KIF16B: variants seen among roughly 807,000 people sequenced by gnomAD.
KIF16B encodes kinesin-like protein KIF16B.
A neutral mutation model predicts 156.3 loss-of-function variants in KIF16B; 98 were observed. The ratio of observed to expected loss-of-function variants is 0.63; its 90% CI spans 0.53 to 0.74. The LOEUF is 0.74. Among genes scored for constraint, KIF16B ranks in the 30% least tolerant of loss-of-function variants. The pLI, the probability that KIF16B is intolerant of heterozygous loss-of-function variation, is 0.00. For synonymous variants in KIF16B, 564 were observed against 583.7 expected (o/e 0.97, Z 0.49); for missense variants, 1,421 against 1,606.5 (o/e 0.88, Z 1.97).
At chr20:16,384,972 G>A (rs113599368) in intron 17 of KIF16B, among the ~76,000 whole-genome samples, 8,352 of 152,102 alleles carry the variant, frequency 0.055, 660 homozygotes, top group African/African-American at 0.17. Context: ...TGAGGCAGGC[G>A]GATCACCTGA....
chr20:16,502,617 C>T (rs1169610575), intron 10 of KIF16B, among the ~76,000 whole-genome samples: 1 of 152,026 alleles, frequency 6.6e-6, no homozygotes, highest in East Asian at 1.9e-4. Context: ...GGAAAAAAGA[C>T]TACAAAATAT....
intron 12 of KIF16B, among the ~76,000 whole-genome samples, chr20:16,484,473 T>C (rs2068063285): frequency 1.3e-5 from 2 of 152,200 alleles, no homozygotes; most frequent in Non-Finnish European, 2.9e-5. Flanking sequence ...AGCAGAACTT[T>C]AGAAAAGGAA....
chr20:16,309,624 A>C (rs576904217), intron 25 of KIF16B, among the ~76,000 whole-genome samples: 2 of 152,356 alleles, frequency 1.3e-5, no homozygotes, highest in South Asian at 4.1e-4. Flanking sequence ...TCCAAATCTT[A>C]GAAATATCTT....
At chr20:16,390,351 G>A (rs1477425788) in intron 17 of KIF16B, among the ~76,000 whole-genome samples, 2 of 152,110 alleles carry the variant, frequency 1.3e-5, no homozygotes, top group Non-Finnish European at 2.9e-5. Context: ...CATAGCAATG[G>A]TATAACTTGC....
chr20:16,548,129 A>T (rs1044892604), intron 1 of KIF16B, among the ~76,000 whole-genome samples: 9 of 152,180 alleles, frequency 5.9e-5, no homozygotes, highest in Non-Finnish European at 8.8e-5. Flanking sequence ...TATGACACAG[A>T]TCTGATCCCA....
chr20:16,404,949 G>A (rs748151108), intron 16 of KIF16B, 48 bp from the exon 17 acceptor site: 3 of 1,356,194 alleles, frequency 2.2e-6, no homozygotes, highest in African/African-American at 2.9e-5. Flanking sequence ...GAGAAGAAAA[G>A]GCCACTGCTC....
chr20:16,313,495 A>G (rs972135973), intron 24 of KIF16B, among the ~76,000 whole-genome samples: 10 of 152,206 alleles, frequency 6.6e-5, no homozygotes, highest in Non-Finnish European at 1.5e-4. Context: ...ATGTATTTTC[A>G]AAATCTGCAC....
At chr20:16,403,993 A>G (rs1461894121) in intron 17 of KIF16B, among the ~76,000 whole-genome samples, 6 of 152,234 alleles carry the variant, frequency 3.9e-5, no homozygotes, top group Non-Finnish European at 5.9e-5. Context: ...GAGCAAATGT[A>G]TAAATATTTC....
chr20:16,430,795 T>G (rs1161451318), intron 12 of KIF16B, among the ~76,000 whole-genome samples: 1 of 151,782 alleles, frequency 6.6e-6, no homozygotes, highest in Admixed American at 6.6e-5. Flanking sequence ...ATGTCTCCCT[T>G]AAGTCCCATA....
At chr20:16,492,876 G>C (rs2068337769) in intron 12 of KIF16B, among the ~76,000 whole-genome samples, 1 of 151,798 alleles carries the variant, frequency 6.6e-6, no homozygotes, top group Non-Finnish European at 1.5e-5. Context: ...CAAATTTCCA[G>C]AGCAACATTA....
chr20:16,324,156 G>C (rs151248770), intron 24 of KIF16B, among the ~76,000 whole-genome samples: 3 of 152,152 alleles, frequency 2.0e-5, no homozygotes, highest in African/African-American at 7.2e-5. Context: ...AATTGTTGCA[G>C]AGACAGACAT....
At position 16,273,148 on chromosome 20, in the gene KIF16B, G is replaced by C; in HGVS notation, c.*105C>G. 2.1e-6 allele frequency: 2 copies of C among 947,714 alleles called. No individual in the cohort carries two copies. Among genetic ancestry groups the C allele is most frequent in the Non-Finnish European group, 3.3e-6 (2 of 600,328 alleles). The allele number at this position is 947,714 out of a possible 1,614,324, so 58.7% of individuals were successfully genotyped here. On this transcript the variant is annotated 3_prime_UTR_variant, in exon 26 of 26. Coordinates refer to ENST00000354981, the MANE Select transcript of KIF16B (RefSeq NM_024704.5). Reference sequence around the variant, plus strand: ...GCCCGCTGCTGCATGTCTGTCTTCAGCAGGAGGAGGCAGACCCGGATCCTC... The same window carrying C: ...GCCCGCTGCTGCATGTCTGTCTTCACCAGGAGGAGGCAGACCCGGATCCTC...
intron 25 of KIF16B, among the ~76,000 whole-genome samples, chr20:16,276,327 C>T (rs2063060761): frequency 6.6e-6 from 1 of 152,106 alleles, no homozygotes. Flanking sequence ...TTTGAGACAC[C>T]TCCCTTCAAG....
At chr20:16,335,902 G>T in intron 24 of KIF16B, 24 bp downstream of exon 24, 1 of 1,365,240 alleles carries the variant, frequency 7.3e-7, no homozygotes, top group Non-Finnish European at 1.0e-6. Context: ...GCTCTTAATC[G>T]GAGATAATAA....
At chr20:16,531,883 C>T (rs1167865600) in intron 1 of KIF16B, among the ~76,000 whole-genome samples, 2 of 152,008 alleles carry the variant, frequency 1.3e-5, no homozygotes, top group Non-Finnish European at 2.9e-5. Context: ...GCCTGGCCAA[C>T]ATGGCAAAAC....
At chr20:16,485,510 G>T (rs1600517081) in intron 12 of KIF16B, among the ~76,000 whole-genome samples, 1 of 152,226 alleles carries the variant, frequency 6.6e-6, no homozygotes, top group African/African-American at 2.4e-5. Context: ...CTGACCTAAA[G>T]GAATTTATAA....
At chr20:16,353,186 C>A (rs1192293039) in intron 23 of KIF16B, among the ~76,000 whole-genome samples, 2 of 152,076 alleles carry the variant, frequency 1.3e-5, no homozygotes, top group African/African-American at 4.8e-5. Flanking sequence ...CCTTAAATAG[C>A]CACTGGTTCA....
chr20:16,466,906 A>G (rs1158179330), intron 12 of KIF16B, among the ~76,000 whole-genome samples: 1 of 148,628 alleles, frequency 6.7e-6, no homozygotes, highest in East Asian at 2.0e-4. Context: ...CAGTAAGTTA[A>G]ACAAACACTA....
intron 15 of KIF16B, among the ~76,000 whole-genome samples, chr20:16,410,089 A>T (rs187754381): frequency 0.041 from 4,213 of 102,222 alleles, 325 homozygotes; most frequent in South Asian, 0.07. Flanking sequence ...ATATATATGT[A>T]GGTACATATA....
Sources: allele counts gnomAD v4.1 joint callset (sites outside exome capture counted in the v4.1 genomes callset), GRCh38; gene constraint gnomAD v4.1.1; transcripts MANE v1.5; gene names NCBI Gene and HGNC (gene_info 2026-07-23, HGNC 2026-07-21).